The following DHX32 variants were observed in gnomAD, a reference collection of about 807,000 sequenced individuals.
The protein encoded by DHX32 is putative pre-mRNA-splicing factor ATP-dependent RNA helicase DHX32.
In DHX32, 51 loss-of-function variants were observed where a neutral mutation model predicts 70.0. That is an observed-to-expected ratio of 0.73 (90% CI 0.58 to 0.92). The LOEUF is 0.92. Ranked by LOEUF, DHX32 falls within the 40% of genes least tolerant of loss-of-function variation. The pLI, the probability that DHX32 is intolerant of heterozygous loss-of-function variation, is 0.00. For synonymous variants in DHX32, 310 were observed against 315.3 expected (o/e 0.98, Z 0.18); for missense variants, 762 against 891.8 (o/e 0.85, Z 1.85).
chr10:125,891,434 T>C (rs1374774950), intron 1 of DHX32, among the ~76,000 whole-genome samples: 1 of 152,304 alleles, frequency 6.6e-6, no homozygotes, highest in Admixed American at 6.5e-5. Flanking sequence ...TTGTCCCAAA[T>C]GTAGACAAAA....
intron 8 of DHX32, 53 bp downstream of exon 8, chr10:125,840,792 CTT>C: frequency 6.6e-6 from 10 of 1,511,866 alleles, no homozygotes; most frequent in Non-Finnish European, 8.9e-6. Flanking sequence ...AGGACTCAGA[CTT>C]ATCTAGGGAA....
At position 125,836,608 on chromosome 10, in the gene DHX32, G is replaced by A. The variant is rs941963264; in HGVS notation, c.*79C>T. On this transcript the variant is annotated 3_prime_UTR_variant, in exon 11 of 11. Transcript: ENST00000284690. ...CTGTGGATGTGAAATCCGTCTTCGC[G>A]TCATGTATCTCCCATATCCAGCAGT... is the stretch of plus-strand genomic sequence containing the variant. 95 of 1,519,004 alleles carry A rather than the reference G, an allele frequency of 6.3e-5. No individual in the cohort carries two copies. Among genetic ancestry groups the A allele is most frequent in the Non-Finnish European group, 7.7e-5 (87 of 1,123,166 alleles). 94.1% of individuals were successfully genotyped at this position (1,519,004 alleles called of 1,614,324 possible). A position where few individuals can be genotyped will look rare whatever the true frequency, so the allele number is the denominator to read the frequency against.
intron 6 of DHX32, chr10:125,842,201 G>A: frequency 5.1e-6 from 2 of 393,504 alleles, no homozygotes; most frequent in South Asian, 7.6e-5. Flanking sequence ...GGTGGAGCCT[G>A]CCAGCCTCCC....
chr10:125,861,927 GA>G lies in DHX32; in HGVS notation c.477-1953del, dbSNP rs796596295. ...CAGTCCTCAATTAACCTCTTTCAAG[GA>G]AAAAAAAAAAAAGGAAGTAAACAAA... On this transcript the variant is annotated intron_variant, in intron 2 of 10. Coordinates refer to ENST00000284690, the MANE Select transcript of DHX32 (RefSeq NM_018180.3). Among the ~76,000 whole-genome samples the G allele has an allele frequency of 4.9e-3, 672 of 136,346 alleles. 2 individuals are homozygous for G. The highest frequency in any genetic ancestry group is 0.013 in the African/African-American group (474 of 36,572). 89.4% of individuals were successfully genotyped at this position (136,346 alleles called of 152,430 possible). A position where few individuals can be genotyped will look rare whatever the true frequency, so the allele number is the denominator to read the frequency against.
Position 125,840,863 on chromosome 10 carries a change from C to A in DHX32, c.1677G>T (p.Leu559=). 6.3e-7 allele frequency: 1 copy of A among 1,593,162 alleles called. No individual in the cohort carries two copies. The highest frequency in any genetic ancestry group is 8.6e-7 in the Non-Finnish European group (1 of 1,166,658). ...SIYKAYQDTT[L]NSSSEYCVEK... ...TTCACTTACACTCACTGCTAGAATT[C>A]AGAGTTGTGTCTTGGTAAGCCTTGT... is the stretch of plus-strand genomic sequence containing the variant. The change falls in exon 8 of 11, where the codon CTG becomes CTT. Residue 559 remains leucine, a synonymous_variant. Transcript: ENST00000284690.
At chr10:125,885,989 G>A (rs907040527), upstream of DHX32, among the ~76,000 whole-genome samples, 4 of 152,154 alleles carry the variant, frequency 2.6e-5, no homozygotes, top group African/African-American at 4.8e-5. Context: ...TCACTCTGAG[G>A]AAAAACCAAA....
chr10:125,862,881 T>C (rs1279165623), intron 2 of DHX32, among the ~76,000 whole-genome samples: 3 of 151,964 alleles, frequency 2.0e-5, no homozygotes, highest in Non-Finnish European at 4.4e-5. Flanking sequence ...AAAAAACTAC[T>C]TTTTTTCTAT....
At chr10:125,836,909 C>T in intron 10 of DHX32, 54 bp from the exon 11 acceptor site, 1 of 1,523,724 alleles carries the variant, frequency 6.6e-7, no homozygotes, top group Non-Finnish European at 9.0e-7. Flanking sequence ...TGGTGAGAGA[C>T]ACCAAACATT....
chr10:125,851,483 TCTA>T (rs1944088608), intron 6 of DHX32, among the ~76,000 whole-genome samples: 1 of 152,144 alleles, frequency 6.6e-6, no homozygotes, highest in Non-Finnish European at 1.5e-5. Flanking sequence ...CCACCAAACA[TCTA>T]CTACCCTGAG....
chr10:125,872,114 G>A (rs1231365371), intron 1 of DHX32, among the ~76,000 whole-genome samples: 5 of 151,974 alleles, frequency 3.3e-5, no homozygotes, highest in African/African-American at 9.7e-5. Context: ...CGCCCGCCTC[G>A]GCCTCCCAAA....
Position 125,860,125 on chromosome 10 carries a change from A to G in DHX32, c.477-150T>C, listed in dbSNP as rs1336374981. The G allele has an allele frequency of 1.2e-5, 8 of 676,256 alleles. No individual in the cohort carries two copies. The Admixed American group carries it at 2.5e-4, about 21-fold the overall frequency. The allele number at this position is 676,256 out of a possible 1,614,324, so 41.9% of individuals were successfully genotyped here. A position where few individuals can be genotyped will look rare whatever the true frequency, so the allele number is the denominator to read the frequency against. ...GCCAAAATTCCTTTAAGTTGATACA[A>G]TCTACAGAATTATAGCACAAAAAAA... On this transcript the variant is annotated intron_variant, in intron 2 of 10. Transcript: ENST00000284690.
chr10:125,880,382 AAATT>A (rs139281589), intron 1 of DHX32, among the ~76,000 whole-genome samples, 157 bp downstream of exon 1: 2,078 of 152,316 alleles, frequency 0.014, 51 homozygotes, highest in African/African-American at 0.046. Flanking sequence ...AGTATTAGTA[AAATT>A]AATAAAATTA....
upstream of DHX32, among the ~76,000 whole-genome samples, chr10:125,882,584 G>C (rs1944323669): frequency 6.6e-6 from 1 of 152,210 alleles, no homozygotes; most frequent in African/African-American, 2.4e-5. Flanking sequence ...GAACAAGCTA[G>C]TTTAGAGGTA....
In DHX32 at chr10:125,860,127, C is replaced by A. The variant is rs1202114558; in HGVS notation, c.477-152G>T. Reference sequence around the variant, plus strand: ...CAAAATTCCTTTAAGTTGATACAATCTACAGAATTATAGCACAAAAAAACA... The same window carrying A: ...CAAAATTCCTTTAAGTTGATACAATATACAGAATTATAGCACAAAAAAACA... On this transcript the variant is annotated intron_variant, in intron 2 of 10. Transcript: ENST00000284690. 6 of 675,452 alleles carry A rather than the reference C, an allele frequency of 8.9e-6. No individual in the cohort carries two copies. In the African/African-American group the frequency reaches 1.1e-4, roughly 12 times the overall value. The allele number at this position is 675,452 out of a possible 1,614,324, so 41.8% of individuals were successfully genotyped here. A position where few individuals can be genotyped will look rare whatever the true frequency, so the allele number is the denominator to read the frequency against.
chr10:125,888,120 AAT>A (rs1944349865), intron 1 of DHX32, among the ~76,000 whole-genome samples: 3 of 152,172 alleles, frequency 2.0e-5, no homozygotes, highest in Admixed American at 1.3e-4. Context: ...TTATATGTAA[AAT>A]ATACACGCCT....
chr10:125,880,165 T>C (rs1240739100), intron 1 of DHX32, among the ~76,000 whole-genome samples: 1 of 152,166 alleles, frequency 6.6e-6, no homozygotes, highest in East Asian at 1.9e-4. Context: ...CTCAGACCAC[T>C]GGGCACTGAA....
chr10:125,857,702 A>G (rs1944157354), intron 3 of DHX32, among the ~76,000 whole-genome samples: 1 of 152,168 alleles, frequency 6.6e-6, no homozygotes, highest in African/African-American at 2.4e-5. Flanking sequence ...TATTAAACTT[A>G]TAAGAATCAT....
In DHX32 at chr10:125,854,218, A is replaced by C. The variant is rs922355698; in HGVS notation, c.850-15T>G. 9.6e-6 allele frequency: 15 copies of C among 1,565,404 alleles called. No homozygotes were observed. The African/African-American group carries it at 1.4e-4, about 14-fold the overall frequency. ...TTCTCAATATCCTAAAGAAAAAAAA[A>C]CCCATGAAAATAAAATACAATGCAA... On this transcript the variant is annotated splice_polypyrimidine_tract_variant and intron_variant, in intron 3 of 10. Transcript: ENST00000284690.
chr10:125,839,609 AAT>A (rs1339323936), intron 8 of DHX32, among the ~76,000 whole-genome samples: 43 of 152,222 alleles, frequency 2.8e-4, no homozygotes, highest in African/African-American at 1.0e-3. Context: ...CCACAGTATA[AAT>A]TCCTCTGATC....
Sources: gnomAD v4.1 joint callset for allele counts (sites outside exome capture counted in the v4.1 genomes callset) on GRCh38, gnomAD v4.1.1 for gene constraint, MANE v1.5 for transcripts, NCBI Gene and HGNC (gene_info 2026-07-23, HGNC 2026-07-21) for gene names.